FHIP1A: variants seen among roughly 807,000 people sequenced by gnomAD.
FHIP1A encodes FHF complex subunit HOOK interacting protein 1A.
A neutral mutation model predicts 88.6 loss-of-function variants in FHIP1A; 61 were observed. The ratio of observed to expected loss-of-function variants is 0.69; its 90% CI spans 0.56 to 0.85. The LOEUF (loss-of-function observed/expected upper bound fraction) is 0.85. FHIP1A is among the 40% of genes least tolerant of loss of function. The probability of loss-of-function intolerance (pLI) is 0.00; values close to 1 mark genes in which losing one functional copy is unlikely to be tolerated. For synonymous variants in FHIP1A, 478 were observed against 496.0 expected (o/e 0.96, Z 0.48); for missense variants, 1,154 against 1,273.5 (o/e 0.91, Z 1.43).
rs1039161762 is a variant in FHIP1A at position 151,480,449 on chromosome 4, G to A, written c.-247-2075G>A. On this transcript the variant is annotated intron_variant, in intron 2 of 13. Coordinates refer to ENST00000435205, the MANE Select transcript of FHIP1A (RefSeq NM_001109977.3). Reference sequence around the variant, plus strand: ...CAAATTGCAAGATGAGAAAAGGCTTGAAATCACCTGAAAAGCATCTAGCAG... The same window carrying A: ...CAAATTGCAAGATGAGAAAAGGCTTAAAATCACCTGAAAAGCATCTAGCAG... Among the ~76,000 whole-genome samples the A allele has an allele frequency of 3.9e-5, 6 of 152,160 alleles. 1 individual carries two copies. Among genetic ancestry groups the A allele is most frequent in the Middle Eastern group, 6.8e-3 (2 of 294 alleles).
intron 2 of FHIP1A, among the ~76,000 whole-genome samples, chr4:151,456,966 A>C (rs1728988515): frequency 1.3e-5 from 2 of 152,136 alleles, no homozygotes; most frequent in Non-Finnish European, 2.9e-5. Flanking sequence ...TGATTATTTT[A>C]GAGTATTTGA....
At chr4:151,409,835 A>G (rs769891366) in intron 1 of FHIP1A, among the ~76,000 whole-genome samples, 3 of 152,110 alleles carry the variant, frequency 2.0e-5, no homozygotes, top group Non-Finnish European at 2.9e-5. Context: ...AGGAAAAGGC[A>G]AAGAGATGTG....
intron 4 of FHIP1A, among the ~76,000 whole-genome samples, chr4:151,572,168 T>C (rs887195499): frequency 1.3e-5 from 2 of 152,062 alleles, no homozygotes; most frequent in African/African-American, 4.8e-5. Context: ...GATTGCACCA[T>C]TGCACTCCAG....
chr4:151,649,235 T>G lies in FHIP1A; in HGVS notation c.1418-224T>G, dbSNP rs114929943. On this transcript the variant is annotated intron_variant, in intron 10 of 13. Transcript: ENST00000435205. ...ATTTCCATCGGCTATAGCCACTATC[T>G]GACTGGCTATATTGGTTTTCTATCT... Among the ~76,000 whole-genome samples the G allele has an allele frequency of 8.6e-3, 1,313 of 152,378 alleles. 18 individuals are homozygous for G. Among genetic ancestry groups the G allele is most frequent in the African/African-American group, 0.03 (1,265 of 41,594 alleles).
chr4:151,594,095 A>G (rs753692886), intron 7 of FHIP1A, among the ~76,000 whole-genome samples: 5 of 152,230 alleles, frequency 3.3e-5, no homozygotes, highest in Non-Finnish European at 7.3e-5. Context: ...CCAGCCTTGC[A>G]TCCCAGGGAT....
intron 7 of FHIP1A, among the ~76,000 whole-genome samples, chr4:151,604,034 G>T (rs1734975280): frequency 6.6e-6 from 1 of 152,136 alleles, no homozygotes; most frequent in South Asian, 2.1e-4. Context: ...TGGTCTACAT[G>T]CTGTGTCACA....
intron 2 of FHIP1A, among the ~76,000 whole-genome samples, chr4:151,481,021 T>C (rs1729877060): frequency 6.6e-6 from 1 of 152,076 alleles, no homozygotes; most frequent in African/African-American, 2.4e-5. Flanking sequence ...CCTTTGAGGC[T>C]TGAGAAATCA....
chr4:151,428,947 G>A lies in FHIP1A; in HGVS notation c.-356+19482G>A, dbSNP rs114470040. On this transcript the variant is annotated intron_variant, in intron 1 of 13. Coordinates refer to ENST00000435205, the MANE Select transcript of FHIP1A (RefSeq NM_001109977.3). ...TTAGGGAAGTCTTTACCCTAGTTGGGTCTCACTATTATAGGCATTTACATC... is the reference window on the plus strand; with the variant it reads ...TTAGGGAAGTCTTTACCCTAGTTGGATCTCACTATTATAGGCATTTACATC... 2.6e-3 allele frequency among the ~76,000 whole-genome samples: 396 copies of A among 152,254 alleles called. 1 individual carries two copies. Among genetic ancestry groups the A allele is most frequent in the African/African-American group, 9.1e-3 (379 of 41,554 alleles).
At chr4:151,412,397 T>A (rs1732685972) in intron 1 of FHIP1A, among the ~76,000 whole-genome samples, 3 of 152,202 alleles carry the variant, frequency 2.0e-5, no homozygotes, top group Non-Finnish European at 2.9e-5. Flanking sequence ...TGAGCCACTG[T>A]GTTCGGCCAA....
chr4:151,418,172 T>TAAAAAAAAAAAA (rs1040622837), intron 1 of FHIP1A, among the ~76,000 whole-genome samples: 30 of 77,918 alleles, frequency 3.9e-4, no homozygotes, highest in East Asian at 8.2e-4. Context: ...AACCTATCTC[T>TAAAAAAAAAAAA]AAAAAAAAAA....
In FHIP1A at chr4:151,549,325, G is replaced by A. The variant is rs1732631050; in HGVS notation, c.-122-16813G>A. On this transcript the variant is annotated intron_variant, in intron 3 of 13. Coordinates refer to ENST00000435205, the MANE Select transcript of FHIP1A (RefSeq NM_001109977.3). The stretch of plus-strand genomic sequence containing the variant: ...TGGAGAATCAAAGAATAAGAGAGCT[G>A]AACATACTGACATACTGATTCTTTG... 2.0e-5 allele frequency among the ~76,000 whole-genome samples: 3 copies of A among 151,990 alleles called. 1 individual carries two copies. The highest frequency in any genetic ancestry group is 4.4e-5 in the Non-Finnish European group (3 of 67,990).
At chr4:151,642,369 G>A (rs1736619343) in intron 9 of FHIP1A, among the ~76,000 whole-genome samples, 1 of 152,098 alleles carries the variant, frequency 6.6e-6, no homozygotes, top group Non-Finnish European at 1.5e-5. Context: ...TGTTCAGATA[G>A]AGGTTGTTTT....
chr4:151,590,665 T>C (rs929141937), intron 7 of FHIP1A, among the ~76,000 whole-genome samples: 2 of 152,188 alleles, frequency 1.3e-5, no homozygotes, highest in African/African-American at 4.8e-5. Flanking sequence ...AACACACAAA[T>C]GGAATGCTTG....
intron 1 of FHIP1A, among the ~76,000 whole-genome samples, chr4:151,421,694 C>T (rs1354476189): frequency 6.6e-6 from 1 of 151,954 alleles, no homozygotes. Context: ...ATTGAGGCTT[C>T]CTGTTGCATC....
intron 11 of FHIP1A, among the ~76,000 whole-genome samples, chr4:151,652,019 C>T (rs1444873316): frequency 2.6e-5 from 4 of 152,190 alleles, no homozygotes; most frequent in African/African-American, 9.7e-5. Context: ...GCAGCAGTAA[C>T]TTAGCATGTC....
Position 151,577,560 on chromosome 4 carries a change from C to T in FHIP1A, c.216C>T (p.Leu72=), listed in dbSNP as rs746389247. ...SAVQNYVEHM[L]FLLIEEQAKD... ...TGCAGAATTACGTAGAACACATGCT[C>T]TTCTTGTTGATTGAAGAGCAAGCCA... Residue 72 remains leucine, a synonymous_variant, in exon 5 of 14, where the codon CTC becomes CTT. Coordinates refer to ENST00000435205, the MANE Select transcript of FHIP1A (RefSeq NM_001109977.3). The T allele has an allele frequency of 5.8e-6, 9 of 1,551,866 alleles. No individual in the cohort carries two copies. In the South Asian group the frequency reaches 8.3e-5, roughly 14 times the overall value.
At chr4:151,578,862 G>C (rs1439414921) in intron 5 of FHIP1A, among the ~76,000 whole-genome samples, 1 of 152,124 alleles carries the variant, frequency 6.6e-6, no homozygotes, top group African/African-American at 2.4e-5. Flanking sequence ...TCCTTTAGCA[G>C]GTGAATAGAC....
chr4:151,525,377 T>C (rs1731590561), intron 3 of FHIP1A, among the ~76,000 whole-genome samples: 1 of 152,252 alleles, frequency 6.6e-6, no homozygotes, highest in South Asian at 2.1e-4. Flanking sequence ...AATTGTATTT[T>C]CAATTCCTGA....
intron 7 of FHIP1A, among the ~76,000 whole-genome samples, chr4:151,608,294 C>A (rs563961344): frequency 1.3e-5 from 2 of 152,098 alleles, no homozygotes; most frequent in Non-Finnish European, 2.9e-5. Context: ...ATCCACCCAC[C>A]TCAGCCTCCC....
Sources: gnomAD v4.1 joint callset for allele counts (sites outside exome capture counted in the v4.1 genomes callset) on GRCh38, gnomAD v4.1.1 for gene constraint, MANE v1.5 for transcripts, NCBI Gene and HGNC (gene_info 2026-07-23, HGNC 2026-07-21) for gene names.